The following MTMR8 variants were observed in gnomAD, a reference collection of about 807,000 sequenced individuals.
The protein encoded by MTMR8 is myotubularin related protein 8, also known as phosphatidylinositol-3,5-bisphosphate 3-phosphatase MTMR8.
In MTMR8, 65 loss-of-function variants were observed where a neutral mutation model predicts 39.3. That is an observed-to-expected ratio of 1.65 (90% confidence interval 1.35 to 2.03). The LOEUF is 2.03. Among genes scored for constraint, MTMR8 ranks in the 30% most tolerant of loss-of-function variants. The pLI, the probability that MTMR8 is intolerant of heterozygous loss-of-function variation, is 0.00. For missense variants in MTMR8, 777 were observed against 538.9 expected, an observed-to-expected ratio of 1.44 and a Z score of -4.37; for synonymous variants, 245 against 185.2, an observed-to-expected ratio of 1.32 and a Z score of -2.62.
intron 12 of MTMR8, among the ~76,000 whole-genome samples, chrX:64,272,127 T>C (rs1267497174): frequency 9.0e-6 from 1 of 111,704 alleles, no homozygotes; most frequent in African/African-American, 3.3e-5. Context: ...GGCCAATCCA[T>C]ATGACTTGGG....
At chrX:64,295,999 T>C (rs966269486) in intron 12 of MTMR8, among the ~76,000 whole-genome samples, 2 of 112,208 alleles carry the variant, frequency 1.8e-5, no homozygotes, top group Non-Finnish European at 3.8e-5. Context: ...AAACAGACAG[T>C]TGAATACCAA....
At chrX:64,302,155 C>T (rs1248445045) in intron 12 of MTMR8, among the ~76,000 whole-genome samples, 1 of 112,671 alleles carries the variant, frequency 8.9e-6, no homozygotes, top group Non-Finnish European at 1.9e-5. Context: ...GCGGGCGCCC[C>T]TCCCCCAGCC....
intron 1 of MTMR8, among the ~76,000 whole-genome samples, chrX:64,386,920 C>A (rs1282142770): frequency 2.7e-5 from 3 of 110,025 alleles, no homozygotes; most frequent in African/African-American, 9.9e-5. Flanking sequence ...ATGTGTGGGG[C>A]CATGCTCCTG....
chrX:64,367,995 T>C (rs929608415), intron 1 of MTMR8, among the ~76,000 whole-genome samples: 2 of 111,641 alleles, frequency 1.8e-5, no homozygotes, highest in Admixed American at 1.9e-4. Flanking sequence ...ATGAGTGAAC[T>C]CACATTCATA....
intron 1 of MTMR8, among the ~76,000 whole-genome samples, chrX:64,384,452 C>T (rs1197046045): frequency 9.0e-6 from 1 of 111,595 alleles, no homozygotes; most frequent in Non-Finnish European, 1.9e-5. Context: ...CTCTATACTG[C>T]CCTAGTAGAG....
In MTMR8 at chrX:64,345,160, G is replaced by A. The variant is rs2147227687; in HGVS notation, c.750C>T (p.Asn250=). 1 of 1,210,899 alleles carries A rather than the reference G, an allele frequency of 8.3e-7. No homozygotes were observed. Among genetic ancestry groups the A allele is most frequent in the East Asian group, 3.0e-5 (1 of 33,825 alleles). ...TTTCATACCCCTTCCCAGCTGCTCGGTTGGCCATGGCATTCAACTGCAATA... is the reference window on the plus strand; with the variant it reads ...TTTCATACCCCTTCCCAGCTGCTCGATTGGCCATGGCATTCAACTGCAATA... ...DTRPKLNAMA[N]RAAGKGYENE... Residue 250 remains asparagine, a synonymous_variant, in exon 7 of 14, where the codon AAC becomes AAT. Transcript: ENST00000374852.
chrX:64,341,539 T>A (rs919731784), intron 8 of MTMR8, among the ~76,000 whole-genome samples: 4 of 108,334 alleles, frequency 3.7e-5, no homozygotes, highest in African/African-American at 1.3e-4. Context: ...TCACAAAGTA[T>A]TAATATGTGT....
chrX:64,292,415 A>G (rs919982628), intron 12 of MTMR8, among the ~76,000 whole-genome samples: 1 of 111,220 alleles, frequency 9.0e-6, no homozygotes, highest in Non-Finnish European at 1.9e-5. Context: ...AAGTAGGTGC[A>G]TGTTGGACCT....
intron 1 of MTMR8, chrX:64,360,301 C>A: frequency 7.7e-6 from 2 of 258,204 alleles, no homozygotes; most frequent in Non-Finnish European, 1.4e-5. Flanking sequence ...CGAACTATAT[C>A]AAGCAACTAG....
chrX:64,387,482 T>C (rs1276005317), intron 1 of MTMR8, among the ~76,000 whole-genome samples: 2 of 110,786 alleles, frequency 1.8e-5, no homozygotes, highest in Non-Finnish European at 3.8e-5. Context: ...CTATAGTATG[T>C]CTCCCAAAGG....
At chrX:64,272,724 T>C (rs1931788870) in intron 12 of MTMR8, among the ~76,000 whole-genome samples, 2 of 110,574 alleles carry the variant, frequency 1.8e-5, no homozygotes, top group Non-Finnish European at 3.8e-5. Flanking sequence ...CTAAGACATA[T>C]GATAATAAAA....
At chrX:64,372,712 A>T (rs1419875175) in intron 1 of MTMR8, among the ~76,000 whole-genome samples, 1 of 111,711 alleles carries the variant, frequency 9.0e-6, no homozygotes, top group East Asian at 2.8e-4. Context: ...ATCATAAGTT[A>T]TCTAACCATT....
At chrX:64,368,814 G>C (rs1404054471) in intron 1 of MTMR8, among the ~76,000 whole-genome samples, 4 of 112,139 alleles carry the variant, frequency 3.6e-5, no homozygotes, top group South Asian at 7.4e-4. Flanking sequence ...CCATCAGAGT[G>C]AACAGGCAAC....
At position 64,352,583 on chromosome X, in the gene MTMR8, C is replaced by A. The variant is rs960426; in HGVS notation, c.468+2194G>T. On this transcript the variant is annotated intron_variant, in intron 4 of 13. Coordinates refer to ENST00000374852, the MANE Select transcript of MTMR8 (RefSeq NM_017677.4). Reference sequence around the variant, plus strand: ...GAAGTCAAGTGTAAAATTGAAGACACCATCTGCCCCTCTTCTTGTGGTCCT... The same window carrying A: ...GAAGTCAAGTGTAAAATTGAAGACAACATCTGCCCCTCTTCTTGTGGTCCT... Among the ~76,000 whole-genome samples the A allele has an allele frequency of 3.0e-4, 33 of 111,474 alleles. No homozygotes were observed. The South Asian group carries it at 4.6e-3, about 15-fold the overall frequency.
chrX:64,366,161 A>C (rs1923948328), intron 1 of MTMR8, among the ~76,000 whole-genome samples: 1 of 111,641 alleles, frequency 9.0e-6, no homozygotes, highest in Admixed American at 9.5e-5. Flanking sequence ...ATGATGGGAG[A>C]CTTTAACACC....
At chrX:64,336,167 A>G (rs749791409) in intron 9 of MTMR8, 39 bp from the exon 10 acceptor site, 46 of 1,025,897 alleles carry the variant, frequency 4.5e-5, no homozygotes, top group Non-Finnish European at 1.5e-5. Flanking sequence ...CATTAGGAAA[A>G]TCATAAAATG....
intron 6 of MTMR8, among the ~76,000 whole-genome samples, chrX:64,346,459 A>G (rs1939837111): frequency 9.0e-6 from 1 of 110,852 alleles, no homozygotes; most frequent in African/African-American, 3.3e-5. Context: ...AATTAATGAC[A>G]AATGTCAAAG....
chrX:64,343,050 C>T (rs1923258491), intron 8 of MTMR8, among the ~76,000 whole-genome samples: 2 of 111,379 alleles, frequency 1.8e-5, no homozygotes, highest in Admixed American at 1.9e-4. Flanking sequence ...GCCTAGACTG[C>T]ATTTGGAGGC....
chrX:64,361,129 T>C (rs1447259110), intron 1 of MTMR8, among the ~76,000 whole-genome samples: 2 of 111,689 alleles, frequency 1.8e-5, no homozygotes, highest in African/African-American at 3.2e-5. Context: ...AACAACAATA[T>C]GCTAATAAAT....
Sources: allele counts gnomAD v4.1 joint callset (sites outside exome capture counted in the v4.1 genomes callset), GRCh38; gene constraint gnomAD v4.1.1; transcripts MANE v1.5; gene names NCBI Gene and HGNC (gene_info 2026-07-23, HGNC 2026-07-21).